Variants in SRBD1 observed in about 807,000 individuals in gnomAD.
SRBD1 encodes S1 RNA-binding domain-containing protein 1.
A neutral mutation model predicts 115.3 loss-of-function variants in SRBD1; 88 were observed. The ratio of observed to expected loss-of-function variants is 0.76; its 90% CI spans 0.64 to 0.91. The LOEUF (loss-of-function observed/expected upper bound fraction) is 0.91. SRBD1 is among the 40% of genes least tolerant of loss of function. The pLI, the probability that SRBD1 is intolerant of heterozygous loss-of-function variation, is 0.00. For missense variants in SRBD1, 1,385 were observed against 1,177.4 expected (o/e 1.18, Z -2.58); for synonymous variants, 509 against 407.7 (o/e 1.25, Z -2.99).
rs548957668 is a variant in SRBD1, at chr2:45,558,767, C to T, written c.1409+3886G>A. ...AGTGCAATGGCGCAATCTCGGCTCA[C>T]TGCAACCTCCACCTCCTGGGTTCAA... is the stretch of plus-strand genomic sequence containing the variant. On this transcript the variant is annotated intron_variant, in intron 10 of 20. Coordinates refer to ENST00000263736, the MANE Select transcript of SRBD1 (RefSeq NM_018079.5). Among the ~76,000 whole-genome samples, 224 of 147,262 alleles carry T rather than the reference C, an allele frequency of 1.5e-3. 1 individual carries two copies. The highest frequency in any genetic ancestry group is 5.6e-3 in the African/African-American group (221 of 39,606).
chr2:45,595,724 T>C (rs1047774093), intron 4 of SRBD1, among the ~76,000 whole-genome samples: 5 of 152,190 alleles, frequency 3.3e-5, no homozygotes, highest in Non-Finnish European at 2.9e-5. Flanking sequence ...AATCCACATA[T>C]ACCACAATAA....
chr2:45,539,582 A>T (rs1671869506), intron 14 of SRBD1, among the ~76,000 whole-genome samples: 1 of 152,214 alleles, frequency 6.6e-6, no homozygotes, highest in African/African-American at 2.4e-5. Flanking sequence ...GTAGCGGGGA[A>T]CTACTGATGA....
intron 16 of SRBD1, among the ~76,000 whole-genome samples, chr2:45,440,292 G>A (rs1309231713): frequency 3.9e-5 from 6 of 152,110 alleles, no homozygotes; most frequent in Non-Finnish European, 4.4e-5. Context: ...TTTTAATGCA[G>A]ACAAACTTTC....
intron 9 of SRBD1, among the ~76,000 whole-genome samples, chr2:45,565,536 A>T (rs934918681): frequency 2.0e-5 from 3 of 152,212 alleles, no homozygotes; most frequent in Non-Finnish European, 2.9e-5. Context: ...TCCATTAAAA[A>T]AGGAGAAAAT....
chr2:45,516,897 C>G (rs1671136869), intron 14 of SRBD1, among the ~76,000 whole-genome samples: 1 of 152,036 alleles, frequency 6.6e-6, no homozygotes, highest in Non-Finnish European at 1.5e-5. Context: ...TGTATGAGTA[C>G]CATATGCTAG....
At chr2:45,537,002 T>C (rs191850385) in intron 14 of SRBD1, among the ~76,000 whole-genome samples, 1 of 152,332 alleles carries the variant, frequency 6.6e-6, no homozygotes, top group East Asian at 1.9e-4. Flanking sequence ...ATACTTAGCT[T>C]ACTGCATGAA....
intron 12 of SRBD1, among the ~76,000 whole-genome samples, chr2:45,548,142 C>A: frequency 6.7e-6 from 1 of 148,568 alleles, no homozygotes; most frequent in African/African-American, 2.5e-5. Context: ...AAGATAACTA[C>A]CTAAAGAATA....
Position 45,580,004 on chromosome 2 carries a change from A to G in SRBD1, c.943T>C (p.Tyr315His), listed in dbSNP as rs1295652163. The change falls in exon 7 of 21, where the codon TAT (tyrosine) becomes CAT (histidine). Residue 315 changes from tyrosine to histidine, a missense_variant. Coordinates refer to ENST00000263736, the MANE Select transcript of SRBD1 (RefSeq NM_018079.5). ...TTAGTCCCTTTGCTTCCAGTTTTAT[A>G]TGGAGCAGACTAGAAAATAAAGACA... Reference protein sequence around the residue: ...FEELEHVSAPYKTGSKGTKAQ... With the variant: ...FEELEHVSAPHKTGSKGTKAQ... The G allele has an allele frequency of 1.4e-5, 22 of 1,577,172 alleles. No homozygotes were observed. The highest frequency in any genetic ancestry group is 1.9e-5 in the Non-Finnish European group (22 of 1,166,088).
intron 9 of SRBD1, among the ~76,000 whole-genome samples, chr2:45,564,945 T>C (rs967628969): frequency 1.3e-5 from 2 of 152,202 alleles, no homozygotes; most frequent in Non-Finnish European, 2.9e-5. Context: ...ACAACTGTAC[T>C]ATGAAAACTA....
chr2:45,581,615 T>G, intron 6 of SRBD1, 78 bp downstream of exon 6: 1 of 988,180 alleles, frequency 1.0e-6, no homozygotes. Context: ...TTTTATTTCT[T>G]GGTGTTCTTT....
chr2:45,478,026 T>A (rs1451589026), intron 15 of SRBD1, among the ~76,000 whole-genome samples: 1 of 151,708 alleles, frequency 6.6e-6, no homozygotes, highest in Non-Finnish European at 1.5e-5. Flanking sequence ...TAAGATAGAT[T>A]TAGCTAGAAA....
intron 11 of SRBD1, among the ~76,000 whole-genome samples, chr2:45,551,652 T>A (rs6722469): frequency 0.055 from 8,350 of 152,082 alleles, 772 homozygotes; most frequent in African/African-American, 0.19. Flanking sequence ...GGAGAAAATA[T>A]CCCGGACAAT....
intron 15 of SRBD1, among the ~76,000 whole-genome samples, chr2:45,481,760 T>C (rs149966834): frequency 1.0e-3 from 158 of 152,160 alleles, no homozygotes; most frequent in African/African-American, 3.5e-3. Flanking sequence ...ACCCATACAA[T>C]AGAATGTTAT....
At chr2:45,448,942 G>T (rs1668908323) in intron 16 of SRBD1, among the ~76,000 whole-genome samples, 1 of 152,124 alleles carries the variant, frequency 6.6e-6, no homozygotes, top group South Asian at 2.1e-4. Context: ...AACTTTTACG[G>T]ATATTTCCTT....
intron 16 of SRBD1, among the ~76,000 whole-genome samples, chr2:45,463,985 A>G (rs1469923935): frequency 2.0e-5 from 3 of 152,200 alleles, no homozygotes; most frequent in African/African-American, 7.2e-5. Flanking sequence ...TTTCTTGGAT[A>G]AAGATATTAC....
intron 18 of SRBD1, among the ~76,000 whole-genome samples, chr2:45,415,995 T>C (rs948791026): frequency 6.6e-6 from 1 of 151,932 alleles, no homozygotes; most frequent in Non-Finnish European, 1.5e-5. Flanking sequence ...ATGTACAACT[T>C]TGAAATCACT....
chr2:45,574,870 C>G, intron 7 of SRBD1, 147 bp from the exon 8 acceptor site: 1 of 656,000 alleles, frequency 1.5e-6, no homozygotes, highest in Non-Finnish European at 2.5e-6. Flanking sequence ...CAGCAGTATA[C>G]TAGCTTCCCT....
intron 14 of SRBD1, among the ~76,000 whole-genome samples, chr2:45,501,220 T>C (rs929307816): frequency 1.3e-5 from 2 of 152,222 alleles, no homozygotes; most frequent in African/African-American, 2.4e-5. Flanking sequence ...CTTGCATACT[T>C]GGGATGAATC....
chr2:45,389,571 G>A lies in SRBD1; in HGVS notation c.2727C>T (p.Ser909=). ...TCTGCAGATCTTCCAGGCATACTAT[G>A]CTTCTCTTGAAATCAGGTTTATCAA... ...TDFDKPDFKR[S]IVCLEDLQIG... Residue 909 remains serine, a synonymous_variant, in exon 21 of 21, where the codon AGC becomes AGT. Transcript: ENST00000263736. The A allele has an allele frequency of 6.2e-7, 1 of 1,613,486 alleles. No individual in the cohort carries two copies. Among genetic ancestry groups the A allele is most frequent in the African/African-American group, 1.3e-5 (1 of 74,978 alleles).
Sources: allele counts gnomAD v4.1 joint callset (sites outside exome capture counted in the v4.1 genomes callset), GRCh38; gene constraint gnomAD v4.1.1; transcripts MANE v1.5; gene names NCBI Gene and HGNC (gene_info 2026-07-23, HGNC 2026-07-21).